Variants in CNTNAP2 observed in about 807,000 individuals in gnomAD.
CNTNAP2 encodes the protein contactin-associated protein-like 2.
In CNTNAP2, 98 loss-of-function variants were observed where a neutral mutation model predicts 155.2. The observed-to-expected ratio is 0.63, with a 90% CI of 0.54 to 0.75. The LOEUF (loss-of-function observed/expected upper bound fraction) is 0.75. CNTNAP2 is among the 30% of genes least tolerant of loss of function. The pLI, the probability that CNTNAP2 is intolerant of heterozygous loss-of-function variation, is 0.00. For synonymous variants in CNTNAP2, 651 were observed against 631.2 expected (o/e 1.03, Z -0.47); for missense variants, 1,727 against 1,688.1 (o/e 1.02, Z -0.40).
rs554750429 is a variant in CNTNAP2, at chr7:146,118,561, G to A, written c.97+1588G>A. Among the ~76,000 whole-genome samples the A allele has an allele frequency of 1.4e-3, 212 of 152,104 alleles. 4 individuals carry two copies. Among genetic ancestry groups the A allele is most frequent in the Non-Finnish European group, 6.2e-4 (42 of 67,964 alleles). ...ATATATTAAATTTATTATATTCACT[G>A]ATTGAAGGTCCTCATATCCAGGGTT... On this transcript the variant is annotated intron_variant, in intron 1 of 23. Coordinates refer to ENST00000361727, the MANE Select transcript of CNTNAP2 (RefSeq NM_014141.6).
chr7:147,812,930 A>G (rs1043015912), intron 13 of CNTNAP2, among the ~76,000 whole-genome samples: 8 of 152,170 alleles, frequency 5.3e-5, no homozygotes, highest in Admixed American at 3.9e-4. Context: ...GTGTCAAGGA[A>G]TATACATGTA....
chr7:146,667,438 A>G (rs1294919741), intron 1 of CNTNAP2, among the ~76,000 whole-genome samples: 3 of 151,838 alleles, frequency 2.0e-5, no homozygotes, highest in Admixed American at 6.6e-5. Flanking sequence ...TATTTTGTTC[A>G]GGATTTATTT....
At chr7:147,683,177 A>G (rs1795972180) in intron 13 of CNTNAP2, among the ~76,000 whole-genome samples, 2 of 151,954 alleles carry the variant, frequency 1.3e-5, no homozygotes, top group African/African-American at 4.8e-5. Flanking sequence ...AGTTACCTTT[A>G]TACAGTTCAC....
chr7:147,176,676 A>G (rs930992462), intron 8 of CNTNAP2, among the ~76,000 whole-genome samples: 5 of 136,246 alleles, frequency 3.7e-5, no homozygotes, highest in Admixed American at 8.1e-5. Flanking sequence ...TCTGTATTTT[A>G]TATAATATAT....
At chr7:148,287,456 G>A (rs147503112) in intron 21 of CNTNAP2, among the ~76,000 whole-genome samples, 6 of 152,260 alleles carry the variant, frequency 3.9e-5, no homozygotes, top group African/African-American at 7.2e-5. Flanking sequence ...AGATGCCACC[G>A]ATTGAGTGAT....
At position 147,033,160 on chromosome 7, in the gene CNTNAP2, G is replaced by A. The variant is rs200991933; in HGVS notation, c.403-10747G>A. On this transcript the variant is annotated intron_variant, in intron 3 of 23. Transcript: ENST00000361727. ...AGGATATTGCTGCATATATATATAT[G>A]TATATATATATATATATATATATAT... Among the ~76,000 whole-genome samples, 332 of 90,678 alleles carry A rather than the reference G, an allele frequency of 3.7e-3. 4 individuals are homozygous for A. Among genetic ancestry groups the A allele is most frequent in the African/African-American group, 8.8e-3 (213 of 24,164 alleles). 59.5% of individuals were successfully genotyped at this position (90,678 alleles called of 152,430 possible).
At chr7:148,094,273 T>G (rs10231399) in intron 15 of CNTNAP2, among the ~76,000 whole-genome samples, 1 of 152,350 alleles carries the variant, frequency 6.6e-6, no homozygotes, top group East Asian at 1.9e-4. Flanking sequence ...TATGGAATAA[T>G]GCATAGTAAG....
intron 10 of CNTNAP2, among the ~76,000 whole-genome samples, chr7:147,420,028 G>A (rs993591332): frequency 9.2e-5 from 14 of 152,122 alleles, no homozygotes; most frequent in Admixed American, 8.5e-4. Context: ...ACAGGGCCAC[G>A]AGTTAATCTT....
intron 1 of CNTNAP2, among the ~76,000 whole-genome samples, chr7:146,279,266 A>G (rs1193260723): frequency 6.6e-6 from 1 of 152,148 alleles, no homozygotes; most frequent in Non-Finnish European, 1.5e-5. Context: ...TTACAATATT[A>G]TGCTGTATCA....
At chr7:147,192,786 G>T (rs1229064079) in intron 8 of CNTNAP2, among the ~76,000 whole-genome samples, 1 of 152,150 alleles carries the variant, frequency 6.6e-6, no homozygotes, top group Non-Finnish European at 1.5e-5. Flanking sequence ...GGAATTACAT[G>T]TTCGGATTGA....
intron 3 of CNTNAP2, among the ~76,000 whole-genome samples, chr7:146,929,456 G>A (rs995022084): frequency 1.3e-5 from 2 of 152,102 alleles, no homozygotes; most frequent in African/African-American, 4.8e-5. Context: ...CATCATCAAA[G>A]ACCAAAAGTA....
chr7:146,693,927 T>C (rs1336080215), intron 1 of CNTNAP2, among the ~76,000 whole-genome samples: 1 of 151,486 alleles, frequency 6.6e-6, no homozygotes, highest in Non-Finnish European at 1.5e-5. Context: ...GTTGTTCCCC[T>C]CCCTGTGCCC....
intron 18 of CNTNAP2, among the ~76,000 whole-genome samples, chr7:148,211,541 G>A (rs867720500): frequency 2.0e-4 from 30 of 152,198 alleles, no homozygotes; most frequent in African/African-American, 6.3e-4. Flanking sequence ...GCTTGAAGTC[G>A]GACAAGGTGG....
chr7:146,716,213 GAAA>G (rs571237905), intron 1 of CNTNAP2, among the ~76,000 whole-genome samples: 12 of 113,028 alleles, frequency 1.1e-4, no homozygotes, highest in South Asian at 6.1e-4. Context: ...AAGTCTGCAG[GAAA>G]AAAAAAAAAA....
intron 1 of CNTNAP2, among the ~76,000 whole-genome samples, chr7:146,585,929 T>G (rs1320377055): frequency 6.6e-6 from 1 of 151,900 alleles, no homozygotes; most frequent in African/African-American, 2.4e-5. Flanking sequence ...TACTTGTGCT[T>G]GAGAGGTGGA....
intron 1 of CNTNAP2, among the ~76,000 whole-genome samples, chr7:146,553,666 C>T (rs1584978771): frequency 6.6e-6 from 1 of 151,742 alleles, no homozygotes; most frequent in East Asian, 1.9e-4. Context: ...AAAATTAATC[C>T]AATGTAGGAT....
intron 4 of CNTNAP2, among the ~76,000 whole-genome samples, chr7:147,077,723 T>C (rs1280456236): frequency 1.3e-5 from 2 of 152,144 alleles, no homozygotes; most frequent in Non-Finnish European, 2.9e-5. Context: ...TTACTTAGCC[T>C]TTCTGTGCCT....
chr7:146,858,985 A>C (rs1014489280), intron 3 of CNTNAP2, among the ~76,000 whole-genome samples: 1 of 152,214 alleles, frequency 6.6e-6, no homozygotes, highest in Non-Finnish European at 1.5e-5. Flanking sequence ...TACATGACAC[A>C]TCAGGAAATT....
chr7:148,076,086 G>A (rs562242580), intron 15 of CNTNAP2, among the ~76,000 whole-genome samples: 1 of 152,282 alleles, frequency 6.6e-6, no homozygotes, highest in African/African-American at 2.4e-5. Context: ...TGTAATGAAA[G>A]ACTTAAGTTA....
Sources: allele counts gnomAD v4.1 joint callset (sites outside exome capture counted in the v4.1 genomes callset), GRCh38; gene constraint gnomAD v4.1.1; transcripts MANE v1.5; gene names NCBI Gene and HGNC (gene_info 2026-07-23, HGNC 2026-07-21).